ACVR1B: variants seen among roughly 807,000 people sequenced by gnomAD.
ACVR1B encodes the protein activin receptor type-1B.
ACVR1B carries 15 observed loss-of-function variants against 55.6 expected under a neutral mutation model. The observed-to-expected ratio is 0.27, with a 90% CI of 0.18 to 0.42. The LOEUF is 0.42. ACVR1B is among the 10% of genes least tolerant of loss of function. The probability of loss-of-function intolerance (pLI) is 1.00; values close to 1 mark genes in which losing one functional copy is unlikely to be tolerated. For synonymous variants in ACVR1B, 247 were observed against 254.6 expected (o/e 0.97, Z 0.28); for missense variants, 359 against 670.1 (o/e 0.54, Z 5.13).
chr12:51,974,234 A>G (rs150155593), intron 1 of ACVR1B, among the ~76,000 whole-genome samples: 2 of 152,318 alleles, frequency 1.3e-5, no homozygotes, highest in Admixed American at 6.5e-5. Flanking sequence ...TCTAGTGGGC[A>G]AAGCAACACT....
intron 1 of ACVR1B, among the ~76,000 whole-genome samples, chr12:51,971,477 G>GT (rs1941745476): frequency 6.6e-6 from 1 of 152,114 alleles, no homozygotes; most frequent in African/African-American, 2.4e-5. Context: ...TTCCGCCTTG[G>GT]AATAAGGAGA....
chr12:51,960,652 G>T (rs1387327380), intron 1 of ACVR1B, among the ~76,000 whole-genome samples: 1 of 152,218 alleles, frequency 6.6e-6, no homozygotes, highest in Non-Finnish European at 1.5e-5. Flanking sequence ...CTAGGGCATA[G>T]AGAAGTTAAG....
chr12:51,958,123 G>C (rs935068381), intron 1 of ACVR1B, among the ~76,000 whole-genome samples: 1 of 152,152 alleles, frequency 6.6e-6, no homozygotes, highest in Non-Finnish European at 1.5e-5. Context: ...AAATAAATTT[G>C]CATTAACCAT....
chr12:51,977,607 CTTTTTTTTTT>C (rs71443237), intron 3 of ACVR1B, among the ~76,000 whole-genome samples: 1 of 122,976 alleles, frequency 8.1e-6, no homozygotes, highest in African/African-American at 3.3e-5. Flanking sequence ...TATTGCATTC[CTTTTTTTTTT>C]TTTTTTTTTT....
In ACVR1B at chr12:51,995,151, A is replaced by C. The variant is rs1942276568; in HGVS notation, c.*1041A>C. 6.5e-6 allele frequency: 1 copy of C among 152,722 alleles called. No homozygotes were observed. The highest frequency in any genetic ancestry group is 1.5e-5 in the Non-Finnish European group (1 of 68,090). The allele number at this position is 152,722 out of a possible 1,614,324, so 9.5% of individuals were successfully genotyped here. On this transcript the variant is annotated 3_prime_UTR_variant, in exon 9 of 9. Transcript: ENST00000257963. Reference sequence around the variant, plus strand: ...AAGGGCATCATCCTCAGCAGCATCGAGGAAGGGCCGAGGAATGTGAAGCCA... The same window carrying C: ...AAGGGCATCATCCTCAGCAGCATCGCGGAAGGGCCGAGGAATGTGAAGCCA...
intron 8 of ACVR1B, among the ~76,000 whole-genome samples, chr12:51,993,723 C>T (rs528401078): frequency 6.0e-4 from 74 of 123,356 alleles, no homozygotes; most frequent in Non-Finnish European, 1.1e-3. Flanking sequence ...GCCAAGATTG[C>T]GCCACTGCAC....
chr12:51,955,159 G>A (rs1284245990), intron 1 of ACVR1B, among the ~76,000 whole-genome samples: 2 of 152,186 alleles, frequency 1.3e-5, no homozygotes, highest in Non-Finnish European at 2.9e-5. Context: ...ATAAGAACAT[G>A]GAGGCTGAGA....
chr12:51,971,558 A>G (rs936595367), intron 1 of ACVR1B, among the ~76,000 whole-genome samples: 1 of 152,206 alleles, frequency 6.6e-6, no homozygotes, highest in Non-Finnish European at 1.5e-5. Flanking sequence ...ACAGATTCTA[A>G]GGGGCTGTTA....
At chr12:51,980,869 A>T in intron 3 of ACVR1B, 100 bp from the exon 4 acceptor site, 1 of 942,716 alleles carries the variant, frequency 1.1e-6, no homozygotes, top group South Asian at 1.7e-5. Context: ...TAGGATGAAG[A>T]CACCATGTTA....
At chr12:51,961,375 GTTA>G in intron 1 of ACVR1B, among the ~76,000 whole-genome samples, 1 of 147,160 alleles carries the variant, frequency 6.8e-6, no homozygotes, top group South Asian at 2.2e-4. Flanking sequence ...TTGCTCTAAT[GTTA>G]TTATAATCTT....
chr12:51,975,624 T>G, intron 2 of ACVR1B, 120 bp downstream of exon 2: 1 of 1,344,534 alleles, frequency 7.4e-7, no homozygotes, highest in Non-Finnish European at 1.0e-6. Flanking sequence ...TTTTGGATGT[T>G]CCCGAAGGTG....
rs1942256459 is a variant in ACVR1B at position 51,994,260 on chromosome 12, C to G, written c.*150C>G. The stretch of plus-strand genomic sequence containing the variant: ...CAAGAGGGACAGAGCCCGGGAGAGA[C>G]TCGCTCACTCCCATGTTGGGTTTGA... On this transcript the variant is annotated 3_prime_UTR_variant, in exon 9 of 9. Transcript: ENST00000257963. This position sits in a 1 kb window ranked among gnomAD's most constrained non-coding sequence, Gnocchi z 4.2. 12 of 1,076,856 alleles carry G rather than the reference C, an allele frequency of 1.1e-5. No individual in the cohort carries two copies. The highest frequency in any genetic ancestry group is 1.5e-5 in the Non-Finnish European group (11 of 756,284). 66.7% of individuals were successfully genotyped at this position (1,076,856 alleles called of 1,614,324 possible). A position where few individuals can be genotyped will look rare whatever the true frequency, so the allele number is the denominator to read the frequency against.
intron 4 of ACVR1B, among the ~76,000 whole-genome samples, chr12:51,981,950 G>A (rs575999158): frequency 1.3e-5 from 2 of 152,226 alleles, no homozygotes; most frequent in South Asian, 4.1e-4. Context: ...ACGAAGTGTC[G>A]CCTTCGGACT....
At chr12:51,955,191 G>T (rs1941384918) in intron 1 of ACVR1B, among the ~76,000 whole-genome samples, 1 of 152,216 alleles carries the variant, frequency 6.6e-6, no homozygotes. Context: ...TGGTGACTGT[G>T]AACACAGGAA....
intron 4 of ACVR1B, among the ~76,000 whole-genome samples, chr12:51,983,043 G>T (rs1021523989): frequency 2.6e-5 from 4 of 152,160 alleles, no homozygotes; most frequent in African/African-American, 9.7e-5. Flanking sequence ...GCTTGTGTGA[G>T]TAGGGATCTG....
At chr12:51,957,430 T>G (rs1592241258) in intron 1 of ACVR1B, among the ~76,000 whole-genome samples, 3 of 123,394 alleles carry the variant, frequency 2.4e-5, no homozygotes, top group East Asian at 2.2e-4. Context: ...GGCAACGGAG[T>G]GAGACTCCGT....
Position 51,996,747 on chromosome 12 carries a change from CTAAG to C in ACVR1B, c.*2639_*2642del, listed in dbSNP as rs1226295698. On this transcript the variant is annotated 3_prime_UTR_variant, in exon 9 of 9. Transcript: ENST00000257963. ...ACACCCACCTCTGCCACTCTTAACA[CTAAG>C]TGAGAGTTGGGGAGAAACTGAAGCC... is the stretch of plus-strand genomic sequence containing the variant. The C allele has an allele frequency of 6.6e-6, 1 of 152,622 alleles. No homozygotes were observed. The highest frequency in any genetic ancestry group is 1.5e-5 in the Non-Finnish European group (1 of 68,086). The allele number at this position is 152,622 out of a possible 1,614,324, so 9.5% of individuals were successfully genotyped here.
At chr12:51,971,944 G>A (rs1256821322) in intron 1 of ACVR1B, among the ~76,000 whole-genome samples, 1 of 152,224 alleles carries the variant, frequency 6.6e-6, no homozygotes, top group Non-Finnish European at 1.5e-5. Context: ...ACTAGTTCCT[G>A]ATAGAGCTGA....
Position 51,994,328 on chromosome 12 carries a change from C to CTT in ACVR1B, c.*219_*220insTT, listed in dbSNP as rs1335877341. 5.5e-6 allele frequency: 3 copies of CTT among 542,874 alleles called. No homozygotes were observed. The African/African-American group carries it at 5.8e-5, about 11-fold the overall frequency. The allele number at this position is 542,874 out of a possible 1,614,324, so 33.6% of individuals were successfully genotyped here. A position where few individuals can be genotyped will look rare whatever the true frequency, so the allele number is the denominator to read the frequency against. ...TTTACCTCCTAATGGCATGGAGACT[C>CTT]TGAGAGCGAATTGTGTGGAGAACTC... On this transcript the variant is annotated 3_prime_UTR_variant, in exon 9 of 9. Coordinates refer to ENST00000257963, the MANE Select transcript of ACVR1B (RefSeq NM_004302.5). This position sits in a 1 kb window ranked among gnomAD's most constrained non-coding sequence, Gnocchi z 4.2.
Sources: gnomAD v4.1 joint callset for allele counts (sites outside exome capture counted in the v4.1 genomes callset) on GRCh38, gnomAD v4.1.1 for gene constraint, Gnocchi (gnomAD v3.1) non-coding constraint, MANE v1.5 for transcripts, NCBI Gene and HGNC (gene_info 2026-07-23, HGNC 2026-07-21) for gene names.